The following MCUB variants were observed in gnomAD, a reference collection of about 807,000 sequenced individuals.
MCUB encodes the protein mitochondrial calcium uniporter dominant negative subunit beta.
In MCUB, 46 loss-of-function variants were observed where a neutral mutation model predicts 41.4. That is an observed-to-expected ratio of 1.11 (90% CI 0.88 to 1.42). The LOEUF is 1.42. MCUB is among the 40% of genes most tolerant of loss of function. The pLI is 0.00. For synonymous variants in MCUB, 148 were observed against 148.2 expected, an observed-to-expected ratio of 1.00 and a Z score of 0.01; for missense variants, 403 against 404.9, an observed-to-expected ratio of 1.00 and a Z score of 0.04.
intron 4 of MCUB, chr4:109,681,536 C>A (rs1366719247): frequency 4.6e-6 from 2 of 430,126 alleles, no homozygotes; most frequent in Non-Finnish European, 9.3e-6. Context: ...GGGTTCTTGG[C>A]CTCACGGATT....
At chr4:109,619,026 G>A (rs562433927) in intron 1 of MCUB, among the ~76,000 whole-genome samples, 7 of 128,736 alleles carry the variant, frequency 5.4e-5, no homozygotes, top group South Asian at 2.6e-4. Context: ...CTATCTACCT[G>A]CCTGCCTACC....
At chr4:109,601,600 T>G (rs1012019077) in intron 1 of MCUB, among the ~76,000 whole-genome samples, 2 of 152,210 alleles carry the variant, frequency 1.3e-5, no homozygotes, top group Non-Finnish European at 2.9e-5. Context: ...AATAGTGTTC[T>G]GCTGTGTATA....
At chr4:109,659,544 C>T (rs746582923) in intron 2 of MCUB, among the ~76,000 whole-genome samples, 6 of 151,970 alleles carry the variant, frequency 3.9e-5, no homozygotes, top group African/African-American at 1.2e-4. Context: ...GAGCCATGAT[C>T]GTGCCACTCC....
At chr4:109,582,944 C>T (rs1269484744) in intron 1 of MCUB, among the ~76,000 whole-genome samples, 3 of 152,158 alleles carry the variant, frequency 2.0e-5, no homozygotes, top group African/African-American at 7.2e-5. Flanking sequence ...GTACCAGTGC[C>T]ATGCTGTTTT....
intron 4 of MCUB, chr4:109,674,274 A>G: frequency 1.6e-6 from 1 of 642,148 alleles, no homozygotes; most frequent in East Asian, 2.7e-5. Flanking sequence ...TGCAGGCTTG[A>G]TTTGCCTGGT....
At chr4:109,682,839 T>C (rs1239442491) in intron 5 of MCUB, 97 bp downstream of exon 5, 3 of 923,642 alleles carry the variant, frequency 3.2e-6, no homozygotes, top group Non-Finnish European at 3.2e-6. Flanking sequence ...TTCCATATGC[T>C]AATTTTCTCC....
chr4:109,665,682 T>A (rs1290780807), intron 4 of MCUB, among the ~76,000 whole-genome samples: 4 of 152,220 alleles, frequency 2.6e-5, no homozygotes, highest in African/African-American at 9.6e-5. Context: ...GTTGTTGTAT[T>A]GTTAATTTTT....
intron 1 of MCUB, among the ~76,000 whole-genome samples, chr4:109,646,013 T>C (rs555740023): frequency 6.6e-6 from 1 of 152,198 alleles, no homozygotes; most frequent in South Asian, 2.1e-4. Flanking sequence ...AACCCTCCAG[T>C]AACCACATAG....
chr4:109,590,075 A>T (rs115667167), intron 1 of MCUB, among the ~76,000 whole-genome samples: 1,860 of 152,242 alleles, frequency 0.012, 44 homozygotes, highest in African/African-American at 0.042. Flanking sequence ...ATTCATATCA[A>T]TTATCTGTTT....
chr4:109,604,165 T>C (rs1172375915), intron 1 of MCUB, among the ~76,000 whole-genome samples: 3 of 151,822 alleles, frequency 2.0e-5, no homozygotes, highest in Non-Finnish European at 4.4e-5. Context: ...ATGTGCTTTG[T>C]TAAACAGATG....
chr4:109,606,128 C>T (rs1376415648), intron 1 of MCUB, among the ~76,000 whole-genome samples: 1 of 152,148 alleles, frequency 6.6e-6, no homozygotes, highest in Non-Finnish European at 1.5e-5. Context: ...GCACCTGCCA[C>T]CACGCCCAGC....
chr4:109,630,727 A>G (rs2003463), intron 1 of MCUB, among the ~76,000 whole-genome samples: 5,363 of 152,054 alleles, frequency 0.035, 266 homozygotes, highest in East Asian at 0.17. Context: ...GATTACAGGC[A>G]TGCACCACCA....
Position 109,664,301 on chromosome 4 carries a change from AT to A in MCUB, c.361del (p.Ser121GlnfsTer5). ...AAIFTADGNM[I>X]SASTLMDILL... The stretch of plus-strand genomic sequence containing the variant: ...TGTTTTTCTTTCAGATGGCAACATG[AT>A]TTCAGCTTCTACCTTGATGGATATT... On this transcript the variant is annotated frameshift_variant, in exon 4 of 8. Transcript: ENST00000394650. LOFTEE classifies it high-confidence loss of function. 2 of 1,546,170 alleles carry A rather than the reference AT, an allele frequency of 1.3e-6. No homozygotes were observed. Among genetic ancestry groups the A allele is most frequent in the Non-Finnish European group, 1.8e-6 (2 of 1,118,630 alleles).
At chr4:109,563,967 C>A (rs1050945241) in intron 1 of MCUB, among the ~76,000 whole-genome samples, 1 of 152,046 alleles carries the variant, frequency 6.6e-6, no homozygotes, top group Non-Finnish European at 1.5e-5. Flanking sequence ...ATCATAAGAT[C>A]CTCAGGAAGA....
At chr4:109,594,977 A>G (rs1228216070) in intron 1 of MCUB, among the ~76,000 whole-genome samples, 1 of 151,954 alleles carries the variant, frequency 6.6e-6, no homozygotes, top group South Asian at 2.1e-4. Flanking sequence ...AGAATTGCCA[A>G]TCCCTTCCAA....
intron 1 of MCUB, among the ~76,000 whole-genome samples, chr4:109,623,078 A>C (rs567878958): frequency 2.0e-5 from 3 of 152,352 alleles, no homozygotes; most frequent in East Asian, 3.9e-4. Context: ...ATCGCCCTGC[A>C]TGAAGACGGC....
Position 109,660,342 on chromosome 4 carries a change from A to G in MCUB, c.323A>G (p.Lys108Arg), listed in dbSNP as rs1187814500. The change falls in exon 3 of 8, where the codon AAA becomes AGA. Residue 108 changes from lysine (K) to arginine (R), a missense_variant. Transcript: ENST00000394650. ...CTACAAAATGAAGATAAGGGTATCAAAACTGCAGCCATCTTCACAGCAGGT... is the reference window on the plus strand; with the variant it reads ...CTACAAAATGAAGATAAGGGTATCAGAACTGCAGCCATCTTCACAGCAGGT... ...QDLQNEDKGI[K>R]TAAIFTADGN... The G allele has an allele frequency of 5.6e-6, 9 of 1,606,612 alleles. No homozygotes were observed. The East Asian group carries it at 8.9e-5, about 16-fold the overall frequency.
chr4:109,601,245 T>C (rs894798321), intron 1 of MCUB, among the ~76,000 whole-genome samples: 2 of 152,158 alleles, frequency 1.3e-5, no homozygotes, highest in African/African-American at 2.4e-5. Context: ...CCCTCAAGCA[T>C]TGATTCTTTG....
intron 1 of MCUB, among the ~76,000 whole-genome samples, chr4:109,635,418 C>T (rs1043509379): frequency 6.6e-6 from 1 of 152,186 alleles, no homozygotes; most frequent in African/African-American, 2.4e-5. Context: ...CTTACCCTTG[C>T]CCCACGTTCC....
Sources: gnomAD v4.1 joint callset for allele counts (sites outside exome capture counted in the v4.1 genomes callset) on GRCh38, gnomAD v4.1.1 for gene constraint, MANE v1.5 for transcripts, NCBI Gene and HGNC (gene_info 2026-07-23, HGNC 2026-07-21) for gene names.